PRDM2: variants seen among roughly 807,000 people sequenced by gnomAD.
The protein encoded by PRDM2 is PR domain zinc finger protein 2.
PRDM2 carries 30 observed loss-of-function variants against 130.0 expected under a neutral mutation model. The ratio of observed to expected loss-of-function variants is 0.23; its 90% CI spans 0.17 to 0.31. The LOEUF is 0.31. Ranked by LOEUF, PRDM2 falls within the 10% of genes least tolerant of loss-of-function variation. The pLI is 1.00. For synonymous variants in PRDM2, 871 were observed against 782.4 expected, an observed-to-expected ratio of 1.11 and a Z score of -1.89; for missense variants, 2,011 against 2,108.4, an observed-to-expected ratio of 0.95 and a Z score of 0.90.
chr1:13,807,807 A>G (rs1455237169), intron 8 of PRDM2, among the ~76,000 whole-genome samples: 1 of 152,222 alleles, frequency 6.6e-6, no homozygotes, highest in Admixed American at 6.5e-5. Flanking sequence ...TCTTCAGACT[A>G]GCAAGGAATT....
chr1:13,802,703 C>T (rs1461991757), intron 8 of PRDM2, among the ~76,000 whole-genome samples: 1 of 152,232 alleles, frequency 6.6e-6, no homozygotes. Flanking sequence ...GGCTCTTCTG[C>T]TGGATCTCAT....
intron 9 of PRDM2, among the ~76,000 whole-genome samples, chr1:13,821,227 A>G (rs1192094121): frequency 6.6e-6 from 1 of 151,882 alleles, no homozygotes; most frequent in African/African-American, 2.4e-5. Flanking sequence ...TGAATGAAAA[A>G]CCCTTAGCAA....
At chr1:13,737,074 T>C (rs1320455872) in intron 4 of PRDM2, among the ~76,000 whole-genome samples, 1 of 152,226 alleles carries the variant, frequency 6.6e-6, no homozygotes, top group Non-Finnish European at 1.5e-5. Context: ...TTTCAAATTA[T>C]TTGTAAGTTA....
chr1:13,748,934 G>A (rs796460702), intron 5 of PRDM2, among the ~76,000 whole-genome samples: 7 of 152,308 alleles, frequency 4.6e-5, no homozygotes, highest in African/African-American at 1.7e-4. Context: ...GGTCTGGAAC[G>A]CGCGCTAGTC....
chr1:13,797,374 G>A (rs759580577), intron 8 of PRDM2, among the ~76,000 whole-genome samples: 24 of 152,152 alleles, frequency 1.6e-4, no homozygotes, highest in Non-Finnish European at 2.9e-4. Context: ...TTACCTTCAC[G>A]TAGGAGCCAA....
At chr1:13,813,629 G>T (rs1460440954) in intron 8 of PRDM2, among the ~76,000 whole-genome samples, 2 of 152,226 alleles carry the variant, frequency 1.3e-5, no homozygotes, top group Non-Finnish European at 2.9e-5. Flanking sequence ...GGTTCAGAGA[G>T]AAAACTGAGA....
At chr1:13,770,703 A>C (rs1375376020) in intron 6 of PRDM2, among the ~76,000 whole-genome samples, 1 of 152,232 alleles carries the variant, frequency 6.6e-6, no homozygotes, top group Non-Finnish European at 1.5e-5. Context: ...GTAAATGATC[A>C]GTAAAAAAAG....
At chr1:13,728,487 G>A (rs1344083515) in intron 2 of PRDM2, among the ~76,000 whole-genome samples, 1 of 152,240 alleles carries the variant, frequency 6.6e-6, no homozygotes, top group East Asian at 1.9e-4. Flanking sequence ...GCCATGGAGA[G>A]TCCAGCGGGG....
chr1:13,756,494 T>C (rs946403016), intron 6 of PRDM2, among the ~76,000 whole-genome samples: 1 of 152,162 alleles, frequency 6.6e-6, no homozygotes, highest in Admixed American at 6.5e-5. Flanking sequence ...CTCAGAGTGT[T>C]TTATTAATAT....
At chr1:13,703,939 CTT>C (rs1642136291) in intron 1 of PRDM2, among the ~76,000 whole-genome samples, 1 of 152,330 alleles carries the variant, frequency 6.6e-6, no homozygotes, top group East Asian at 1.9e-4. Context: ...GCTTACCTAA[CTT>C]TAACTTAATA....
At chr1:13,822,335 G>A (rs1645365450) in intron 9 of PRDM2, among the ~76,000 whole-genome samples, 1 of 152,102 alleles carries the variant, frequency 6.6e-6, no homozygotes, top group Non-Finnish European at 1.5e-5. Context: ...GCACCAAACT[G>A]GAAGTTCCCA....
In PRDM2 at chr1:13,779,075, C is replaced by T. The variant is rs767974982; in HGVS notation, c.1280C>T (p.Ser427Leu). 6.2e-7 allele frequency: 1 copy of T among 1,614,224 alleles called. No individual in the cohort carries two copies. Among genetic ancestry groups the T allele is most frequent in the South Asian group, 1.1e-5 (1 of 91,084 alleles). ...KRKPSQTLQP[S>L]EDLADGKASG... ...AAACCCAGCCAAACACTACAGCCGT[C>T]AGAGGATCTGGCTGATGGCAAAGCA... The change falls in exon 8 of 10, where the codon TCA becomes TTA. Residue 427 changes from serine (S) to leucine (L), a missense_variant. By Grantham distance (145) the Ser-to-Leu change is moderately radical (BLOSUM62 -2). Around this residue, in one of 5 missense-constraint regions of PRDM2, gnomAD observed 1,288 missense variants for 1,237.7 expected, o/e 1.04. Coordinates refer to ENST00000311066, the MANE Select transcript of PRDM2 (RefSeq NM_001393986.1). This position sits in a 1 kb window ranked among gnomAD's most constrained non-coding sequence, Gnocchi z 4.9.
chr1:13,806,006 C>T lies in PRDM2; in HGVS notation c.5037-10421C>T, dbSNP rs1209330072. On this transcript the variant is annotated intron_variant, in intron 8 of 9. Coordinates refer to ENST00000311066, the MANE Select transcript of PRDM2 (RefSeq NM_001393986.1). This position sits in a 1 kb window ranked among gnomAD's most constrained non-coding sequence, Gnocchi z 4.1. ...GTTCCTGCCTCCAGTGTCTCTTCTC[C>T]CCTTCTCTCTTGAACTCACTTTCAG... 6.6e-6 allele frequency among the ~76,000 whole-genome samples: 1 copy of T among 152,148 alleles called. No homozygotes were observed. Among genetic ancestry groups the T allele is most frequent in the Non-Finnish European group, 1.5e-5 (1 of 68,016 alleles).
At chr1:13,774,306 T>C (rs1187274440) in intron 7 of PRDM2, among the ~76,000 whole-genome samples, 2 of 152,218 alleles carry the variant, frequency 1.3e-5, no homozygotes, top group Non-Finnish European at 2.9e-5. Flanking sequence ...CTTGAGTTGT[T>C]TATAGTGAGC....
At chr1:13,741,748 G>C in intron 4 of PRDM2, among the ~76,000 whole-genome samples, 1 of 150,760 alleles carries the variant, frequency 6.6e-6, no homozygotes, top group African/African-American at 2.4e-5. Context: ...GTGTGTGTGT[G>C]TGTGTGTGTG....
chr1:13,820,453 T>TAGGG (rs905970201), intron 9 of PRDM2, among the ~76,000 whole-genome samples: 2 of 152,210 alleles, frequency 1.3e-5, no homozygotes, highest in African/African-American at 4.8e-5. Flanking sequence ...GCCTAGTCTA[T>TAGGG]AGGGAGGCTT....
At chr1:13,735,620 C>G (rs1643244048) in intron 4 of PRDM2, among the ~76,000 whole-genome samples, 1 of 151,840 alleles carries the variant, frequency 6.6e-6, no homozygotes. Context: ...ACAGATAGTT[C>G]CCAAATACTC....
chr1:13,700,557 G>A (rs1275236964), intron 1 of PRDM2, among the ~76,000 whole-genome samples: 4 of 151,350 alleles, frequency 2.6e-5, no homozygotes, highest in Admixed American at 1.3e-4. Flanking sequence ...GGGTCCCTGC[G>A]GCGAAGTTCG....
At chr1:13,708,533 C>T (rs1335468050) in intron 1 of PRDM2, among the ~76,000 whole-genome samples, 2 of 152,062 alleles carry the variant, frequency 1.3e-5, no homozygotes, top group Admixed American at 1.3e-4. Context: ...GGAGTAAACT[C>T]GATACACTCC....
Sources: allele counts gnomAD v4.1 joint callset (sites outside exome capture counted in the v4.1 genomes callset), GRCh38; gene constraint gnomAD v4.1.1; regional missense constraint gnomAD v4.1.1; non-coding constraint Gnocchi (gnomAD v3.1); transcripts MANE v1.5; gene names NCBI Gene and HGNC (gene_info 2026-07-23, HGNC 2026-07-21).